SMARCA2: variants seen among roughly 807,000 people sequenced by gnomAD.
SMARCA2 encodes the protein SWI/SNF related BAF chromatin remodeling complex subunit ATPase 2.
SMARCA2 carries 61 observed loss-of-function variants against 199.8 expected under a neutral mutation model. The observed-to-expected ratio is 0.31, with a 90% CI of 0.25 to 0.38. The LOEUF is 0.38. SMARCA2 is among the 10% of genes least tolerant of loss of function. SMARCA2 has a pLI of 1.00. For missense variants in SMARCA2, 1,344 were observed against 2,012.2 expected (o/e 0.67, Z 6.35); for synonymous variants, 935 against 732.0 (o/e 1.28, Z -4.48).
chr9:2,166,872 C>G (rs1331106824), intron 28 of SMARCA2, among the ~76,000 whole-genome samples: 1 of 152,180 alleles, frequency 6.6e-6, no homozygotes, highest in East Asian at 1.9e-4. Flanking sequence ...TACACCATGG[C>G]TAGCCTTTCC....
intron 2 of SMARCA2, among the ~76,000 whole-genome samples, chr9:2,029,558 G>A (rs752374190): frequency 2.0e-5 from 3 of 152,172 alleles, no homozygotes; most frequent in Non-Finnish European, 2.9e-5. Flanking sequence ...TAGTCTATAA[G>A]TCTTATTTTT....
intron 32 of SMARCA2, among the ~76,000 whole-genome samples, chr9:2,186,601 C>A (rs1473213814): frequency 6.7e-6 from 1 of 149,128 alleles, no homozygotes; most frequent in South Asian, 2.1e-4. Flanking sequence ...CAGTAGCTCA[C>A]TGCAACCTCC....
intron 27 of SMARCA2, among the ~76,000 whole-genome samples, chr9:2,143,452 G>C (rs1336974885): frequency 6.6e-6 from 1 of 152,196 alleles, no homozygotes; most frequent in Admixed American, 6.5e-5. Flanking sequence ...GCAGAGAGAA[G>C]ATACCATTTG....
intron 27 of SMARCA2, among the ~76,000 whole-genome samples, chr9:2,147,419 A>C (rs1824816971): frequency 6.6e-6 from 1 of 152,228 alleles, no homozygotes; most frequent in Non-Finnish European, 1.5e-5. Context: ...TTTTTAATTA[A>C]AAGCATATAT....
intron 4 of SMARCA2, chr9:2,042,382 A>T (rs532715922): frequency 6.6e-6 from 1 of 152,350 alleles, no homozygotes; most frequent in African/African-American, 2.4e-5. Flanking sequence ...CTGGGATATC[A>T]TCTTGTCACA....
chr9:2,032,860 C>G (rs1298883437), intron 2 of SMARCA2, 92 bp from the exon 3 acceptor site: 2 of 1,233,378 alleles, frequency 1.6e-6, no homozygotes, highest in Non-Finnish European at 2.3e-6. Flanking sequence ...TAGTGCCACA[C>G]TTTTAAAGAA....
chr9:2,132,948 T>G (rs1005479313), intron 27 of SMARCA2, among the ~76,000 whole-genome samples: 1 of 152,214 alleles, frequency 6.6e-6, no homozygotes, highest in African/African-American at 2.4e-5. Context: ...TTTAATAGAA[T>G]AGTCCTCAGA....
chr9:2,130,790 CAT>C (rs1823913295), intron 27 of SMARCA2, among the ~76,000 whole-genome samples: 1 of 152,036 alleles, frequency 6.6e-6, no homozygotes, highest in Non-Finnish European at 1.5e-5. Flanking sequence ...TTCTTGGAAA[CAT>C]ATATTTGCTT....
intron 15 of SMARCA2, among the ~76,000 whole-genome samples, chr9:2,082,647 C>T (rs920376258): frequency 2.1e-4 from 32 of 152,314 alleles, no homozygotes; most frequent in African/African-American, 7.5e-4. Flanking sequence ...TTCAGTGTGT[C>T]TGCCTGTGGG....
At chr9:2,153,490 T>C (rs2130726935) in intron 27 of SMARCA2, among the ~76,000 whole-genome samples, 1 of 151,960 alleles carries the variant, frequency 6.6e-6, no homozygotes, top group South Asian at 2.1e-4. Flanking sequence ...TGTGATTGAT[T>C]ACACCACTGC....
rs1161332757 is a variant in SMARCA2, at chr9:2,159,530, G to T, written c.3982-2156G>T. On this transcript the variant is annotated intron_variant, in intron 27 of 33. Coordinates refer to ENST00000349721, the MANE Select transcript of SMARCA2 (RefSeq NM_003070.5). The stretch of plus-strand genomic sequence containing the variant: ...TTAAAATAAATTTGAATATTAATTT[G>T]TTTTCTTACTGGCTTAATTGTTAAA... 1.1e-5 allele frequency: 3 copies of T among 269,070 alleles called. No individual in the cohort carries two copies. The Admixed American group carries it at 1.4e-4, about 13-fold the overall frequency. The allele number at this position is 269,070 out of a possible 1,614,324, so 16.7% of individuals were successfully genotyped here. A position where few individuals can be genotyped will look rare whatever the true frequency, so the allele number is the denominator to read the frequency against.
intron 21 of SMARCA2, 80 bp downstream of exon 21, chr9:2,097,551 A>G: frequency 1.2e-6 from 1 of 854,516 alleles, no homozygotes; most frequent in Non-Finnish European, 1.9e-6. Flanking sequence ...CAAACAGGAA[A>G]AAAAAAAACC....
rs1255854571 is a variant in SMARCA2 at position 2,161,991 on chromosome 9, C to G, written c.4199+88C>G. 1.9e-6 allele frequency: 2 copies of G among 1,061,442 alleles called. No individual in the cohort carries two copies. Among genetic ancestry groups the G allele is most frequent in the Non-Finnish European group, 2.7e-6 (2 of 728,838 alleles). 65.8% of individuals were successfully genotyped at this position (1,061,442 alleles called of 1,614,324 possible). On this transcript the variant is annotated intron_variant, in intron 28 of 33. Coordinates refer to ENST00000349721, the MANE Select transcript of SMARCA2 (RefSeq NM_003070.5). This position sits in a 1 kb window ranked among gnomAD's most constrained non-coding sequence, Gnocchi z 4.7. ...GGAGCAGGAGTTGTTAAGTTGTGCACTTAGGTTTTATTAAGGTTCTTTCTA... is the reference window on the plus strand; with the variant it reads ...GGAGCAGGAGTTGTTAAGTTGTGCAGTTAGGTTTTATTAAGGTTCTTTCTA...
chr9:2,130,236 A>G (rs1278466814), intron 27 of SMARCA2, among the ~76,000 whole-genome samples: 1 of 152,148 alleles, frequency 6.6e-6, no homozygotes, highest in Admixed American at 6.5e-5. Flanking sequence ...TGTTTCCTCC[A>G]TGGAAGAAGG....
chr9:2,043,718 T>A (rs1344134454), intron 4 of SMARCA2: 1 of 152,258 alleles, frequency 6.6e-6, no homozygotes, highest in East Asian at 1.9e-4. Context: ...TTTGAAGTTC[T>A]GTGCCTGTGA....
At chr9:2,188,621 C>A (rs1163597495) in intron 32 of SMARCA2, among the ~76,000 whole-genome samples, 1 of 152,144 alleles carries the variant, frequency 6.6e-6, no homozygotes, top group African/African-American at 2.4e-5. Flanking sequence ...AGTTTAATTT[C>A]TCAAGCCTTG....
At chr9:2,173,054 C>T (rs1204096368) in intron 29 of SMARCA2, among the ~76,000 whole-genome samples, 1 of 152,102 alleles carries the variant, frequency 6.6e-6, no homozygotes, top group Non-Finnish European at 1.5e-5. Context: ...TAGGGGCAGT[C>T]TGGATGTGTG....
At chr9:2,155,483 A>G (rs1825306849) in intron 27 of SMARCA2, among the ~76,000 whole-genome samples, 1 of 152,204 alleles carries the variant, frequency 6.6e-6, no homozygotes, top group South Asian at 2.1e-4. Context: ...GTGTTTCACC[A>G]TATTGGCCAG....
chr9:2,135,719 T>A (rs1824165039), intron 27 of SMARCA2, among the ~76,000 whole-genome samples: 1 of 152,112 alleles, frequency 6.6e-6, no homozygotes, highest in Admixed American at 6.6e-5. Flanking sequence ...TTCTTTGTAT[T>A]TTTAGTAGAG....
Sources: gnomAD v4.1 joint callset for allele counts (sites outside exome capture counted in the v4.1 genomes callset) on GRCh38, gnomAD v4.1.1 for gene constraint, Gnocchi (gnomAD v3.1) non-coding constraint, MANE v1.5 for transcripts, NCBI Gene and HGNC (gene_info 2026-07-23, HGNC 2026-07-21) for gene names.